AKAP19: variants seen among roughly 807,000 people sequenced by gnomAD.
AKAP19 encodes the protein A-kinase anchoring protein 19, also known as small A-kinase anchoring protein.
At chr2:190,047,609 C>A in the AKAP19 span, among the ~76,000 whole-genome samples, 1 of 152,146 alleles carries the variant, frequency 6.6e-6, no homozygotes, top group Non-Finnish European at 1.5e-5. Flanking sequence ...ATAGTTCCCG[C>A]AGTAGTACAA....
At chr2:189,963,486 C>T in the AKAP19 span, among the ~76,000 whole-genome samples, 3 of 151,904 alleles carry the variant, frequency 2.0e-5, no homozygotes, top group South Asian at 2.1e-4. Context: ...TGAGCCACCG[C>T]GCCCGGCCCA....
chr2:190,171,443 C>T, the AKAP19 span, among the ~76,000 whole-genome samples: 1 of 151,918 alleles, frequency 6.6e-6, no homozygotes, highest in African/African-American at 2.4e-5. Flanking sequence ...TTTTATTGGA[C>T]TTTTTTTCTG....
chr2:190,019,860 C>CT, the AKAP19 span, among the ~76,000 whole-genome samples: 237 of 152,218 alleles, frequency 1.6e-3, no homozygotes, highest in African/African-American at 5.6e-3. Flanking sequence ...CCATTTTTCA[C>CT]TGGATTCTGT....
chr2:190,079,671 T>G, the AKAP19 span: 1 of 151,988 alleles, frequency 6.6e-6, no homozygotes, highest in Non-Finnish European at 1.5e-5. Flanking sequence ...ATTAGCTGGA[T>G]GTGGTGATGC....
chr2:190,060,565 C>A, the AKAP19 span: 1 of 783,722 alleles, frequency 1.3e-6, no homozygotes, highest in Non-Finnish European at 2.0e-6. Context: ...AATGAAATAC[C>A]GTGTGGAACT....
the AKAP19 span, among the ~76,000 whole-genome samples, chr2:189,977,802 C>T: frequency 6.6e-6 from 1 of 152,160 alleles, no homozygotes; most frequent in Non-Finnish European, 1.5e-5. Flanking sequence ...TATGGAAACA[C>T]ATACACATAT....
At chr2:189,975,045 C>T in the AKAP19 span, among the ~76,000 whole-genome samples, 18 of 152,222 alleles carry the variant, frequency 1.2e-4, no homozygotes, top group African/African-American at 3.4e-4. Context: ...GGTTATTTTG[C>T]TCGTTAGTAG....
chr2:190,066,509 A>G, the AKAP19 span, among the ~76,000 whole-genome samples: 1 of 152,110 alleles, frequency 6.6e-6, no homozygotes, highest in Non-Finnish European at 1.5e-5. Context: ...CTTGTCATTA[A>G]CTTGTGTTTA....
the AKAP19 span, among the ~76,000 whole-genome samples, chr2:190,124,642 C>G: frequency 6.6e-6 from 1 of 152,098 alleles, no homozygotes; most frequent in Non-Finnish European, 1.5e-5. Context: ...CCCAACAGTT[C>G]GAGGCTGCAG....
At chr2:189,971,145 C>G in the AKAP19 span, among the ~76,000 whole-genome samples, 1 of 152,156 alleles carries the variant, frequency 6.6e-6, no homozygotes, top group East Asian at 1.9e-4. Context: ...CCCCCAACCC[C>G]ACGACAGGCC....
chr2:190,182,518 TTAA>T, the AKAP19 span, among the ~76,000 whole-genome samples: 3 of 152,180 alleles, frequency 2.0e-5, no homozygotes, highest in Non-Finnish European at 4.4e-5. Flanking sequence ...GAGGATTAAA[TTAA>T]TAATATTAAT....
chr2:190,027,177 T>C, the AKAP19 span, among the ~76,000 whole-genome samples: 2 of 152,176 alleles, frequency 1.3e-5, no homozygotes, highest in Admixed American at 1.3e-4. Context: ...AGAGTAATAT[T>C]TCTTGCCCCC....
the AKAP19 span, among the ~76,000 whole-genome samples, chr2:190,128,132 T>G: frequency 6.6e-6 from 1 of 152,162 alleles, no homozygotes; most frequent in African/African-American, 2.4e-5. Flanking sequence ...TAGTATGAAA[T>G]AGCATTGTGT....
the AKAP19 span, among the ~76,000 whole-genome samples, chr2:189,906,695 A>G: frequency 5.9e-5 from 9 of 152,148 alleles, no homozygotes; most frequent in Non-Finnish European, 1.2e-4. Flanking sequence ...ATATACAACT[A>G]TTTATTTAAA....
At chr2:189,892,706 G>A in the AKAP19 span, among the ~76,000 whole-genome samples, 1 of 152,328 alleles carries the variant, frequency 6.6e-6, no homozygotes, top group East Asian at 1.9e-4. Flanking sequence ...AGGAGGCACA[G>A]GGGTCAGAGA....
chr2:190,070,447 A>T, the AKAP19 span, among the ~76,000 whole-genome samples: 3 of 125,476 alleles, frequency 2.4e-5, no homozygotes, highest in Non-Finnish European at 4.8e-5. Context: ...CTTATAGTTT[A>T]AAAAAAAAAA....
the AKAP19 span, among the ~76,000 whole-genome samples, chr2:190,123,523 T>C: frequency 6.6e-6 from 1 of 152,198 alleles, no homozygotes; most frequent in Non-Finnish European, 1.5e-5. Context: ...CTTTCTCCAC[T>C]TCAGGTCTTC....
the AKAP19 span, among the ~76,000 whole-genome samples, chr2:190,151,116 T>A: frequency 6.6e-6 from 1 of 152,244 alleles, no homozygotes; most frequent in East Asian, 1.9e-4. Context: ...TTCCTATTTG[T>A]CATTTCTGTT....
At chr2:190,041,918 A>T in the AKAP19 span, among the ~76,000 whole-genome samples, 1 of 152,010 alleles carries the variant, frequency 6.6e-6, no homozygotes, top group African/African-American at 2.4e-5. Context: ...TTTGGTTTGC[A>T]AGTATTTTTT....
Sources: gnomAD v4.1 joint callset for allele counts (sites outside exome capture counted in the v4.1 genomes callset) on GRCh38, gnomAD v4.1.1 for gene constraint, MANE v1.5 for transcripts, NCBI Gene and HGNC (gene_info 2026-07-23, HGNC 2026-07-21) for gene names.